ZNRF3: variants seen among roughly 807,000 people sequenced by gnomAD.
ZNRF3 encodes the protein zinc and ring finger 3, also known as E3 ubiquitin-protein ligase ZNRF3.
A neutral mutation model predicts 72.5 loss-of-function variants in ZNRF3; 23 were observed. The ratio of observed to expected loss-of-function variants is 0.32; its 90% confidence interval spans 0.23 to 0.45. ZNRF3 has a LOEUF of 0.45. Among genes scored for constraint, ZNRF3 ranks in the 20% least tolerant of loss-of-function variants. ZNRF3 has a pLI of 1.00. For synonymous variants in ZNRF3, 610 were observed against 545.3 expected (o/e 1.12, Z -1.65); for missense variants, 1,169 against 1,272.1 (o/e 0.92, Z 1.23).
chr22:29,003,213 C>T (rs990493653), intron 2 of ZNRF3, among the ~76,000 whole-genome samples: 2 of 152,096 alleles, frequency 1.3e-5, no homozygotes, highest in African/African-American at 2.4e-5. Context: ...CACTAAAGGT[C>T]AAAATAGAAT....
intron 1 of ZNRF3, among the ~76,000 whole-genome samples, chr22:28,943,303 G>T (rs1289535676): frequency 1.3e-5 from 2 of 152,114 alleles, no homozygotes; most frequent in Non-Finnish European, 2.9e-5. Flanking sequence ...CTTTGATGGG[G>T]ACATGCTTGC....
intron 1 of ZNRF3, among the ~76,000 whole-genome samples, chr22:28,888,797 T>C (rs991818822): frequency 3.3e-5 from 5 of 152,204 alleles, no homozygotes; most frequent in African/African-American, 1.2e-4. Context: ...TAACTTCACA[T>C]GGCTAGCAGA....
intron 3 of ZNRF3, 40 bp downstream of exon 3, chr22:29,042,609 A>G: frequency 6.3e-7 from 1 of 1,579,928 alleles, no homozygotes; most frequent in Non-Finnish European, 8.7e-7. Context: ...AGCCTCCCTG[A>G]GAAAGGCACT....
intron 2 of ZNRF3, among the ~76,000 whole-genome samples, chr22:29,000,948 C>G (rs1208517165): frequency 5.3e-5 from 8 of 151,996 alleles, no homozygotes; most frequent in Admixed American, 5.3e-4. Flanking sequence ...CCACCACACC[C>G]AGCTCATTTT....
At chr22:29,002,612 A>T (rs2036168657) in intron 2 of ZNRF3, among the ~76,000 whole-genome samples, 1 of 152,250 alleles carries the variant, frequency 6.6e-6, no homozygotes, top group African/African-American at 2.4e-5. Context: ...GCTGATGCGC[A>T]CCAGACTGTA....
chr22:29,036,760 T>C (rs1351834053), intron 2 of ZNRF3, among the ~76,000 whole-genome samples: 1 of 152,198 alleles, frequency 6.6e-6, no homozygotes, highest in African/African-American at 2.4e-5. Context: ...GTATTAATTA[T>C]AATTTTAAAA....
chr22:28,890,123 T>A (rs2033858101), intron 1 of ZNRF3, among the ~76,000 whole-genome samples: 1 of 152,252 alleles, frequency 6.6e-6, no homozygotes, highest in African/African-American at 2.4e-5. Flanking sequence ...TTTTGATTGT[T>A]ATTTCCAGAA....
intron 8 of ZNRF3, among the ~76,000 whole-genome samples, chr22:29,052,124 A>G (rs551981744): frequency 6.6e-6 from 1 of 152,338 alleles, no homozygotes; most frequent in African/African-American, 2.4e-5. Context: ...ATGCTGTCTC[A>G]GTAATAAACT....
At chr22:29,012,392 A>G (rs888574787) in intron 2 of ZNRF3, among the ~76,000 whole-genome samples, 1 of 152,224 alleles carries the variant, frequency 6.6e-6, no homozygotes, top group African/African-American at 2.4e-5. Flanking sequence ...TACGTGGAGA[A>G]CCTGCCCACG....
chr22:28,998,506 G>A (rs546524645), intron 2 of ZNRF3, among the ~76,000 whole-genome samples: 5 of 152,172 alleles, frequency 3.3e-5, no homozygotes, highest in African/African-American at 7.2e-5. Flanking sequence ...GATTAAAACC[G>A]GATGCAAGCA....
At chr22:28,925,626 C>T (rs2034586808) in intron 1 of ZNRF3, among the ~76,000 whole-genome samples, 3 of 152,020 alleles carry the variant, frequency 2.0e-5, no homozygotes, top group Non-Finnish European at 4.4e-5. Context: ...ACCCATATAC[C>T]CACTATCTAT....
At chr22:28,938,482 C>T (rs1714037740) in intron 1 of ZNRF3, among the ~76,000 whole-genome samples, 1 of 152,124 alleles carries the variant, frequency 6.6e-6, no homozygotes, top group African/African-American at 2.4e-5. Flanking sequence ...ATTATCTAAC[C>T]TAGTTATCAA....
intron 2 of ZNRF3, 133 bp downstream of exon 2, chr22:28,987,334 T>C (rs2035872626): frequency 7.3e-7 from 1 of 1,376,194 alleles, no homozygotes; most frequent in Admixed American, 2.6e-5. Context: ...TGAAGTTGCA[T>C]GAGGTGGGGA....
Position 28,928,787 on chromosome 22 carries a change from C to T in ZNRF3, c.300+44721C>T, listed in dbSNP as rs546955308. 2.0e-3 allele frequency among the ~76,000 whole-genome samples: 311 copies of T among 152,214 alleles called. 2 individuals carry two copies. Among genetic ancestry groups the T allele is most frequent in the African/African-American group, 6.9e-3 (288 of 41,526 alleles). On this transcript the variant is annotated intron_variant, in intron 1 of 8. Coordinates refer to ENST00000544604, the MANE Select transcript of ZNRF3 (RefSeq NM_001206998.2). ...CTGGGATTACAGGCGTGAGCCACCGCGCCCGGCCCAGAAATGTCTTTTATA... is the reference window on the plus strand; with the variant it reads ...CTGGGATTACAGGCGTGAGCCACCGTGCCCGGCCCAGAAATGTCTTTTATA...
chr22:28,963,488 C>T (rs2035403473), intron 1 of ZNRF3, among the ~76,000 whole-genome samples: 1 of 152,164 alleles, frequency 6.6e-6, no homozygotes, highest in South Asian at 2.1e-4. Flanking sequence ...AAAAAAACCA[C>T]AGGCTCAAGC....
At chr22:28,958,351 G>T (rs2035296754) in intron 1 of ZNRF3, among the ~76,000 whole-genome samples, 1 of 152,338 alleles carries the variant, frequency 6.6e-6, no homozygotes, top group East Asian at 1.9e-4. Context: ...GTGATCAGTA[G>T]ATTTGGAGAT....
intron 2 of ZNRF3, among the ~76,000 whole-genome samples, chr22:29,012,131 G>A (rs1331509441): frequency 5.9e-5 from 9 of 152,204 alleles, no homozygotes; most frequent in Admixed American, 4.6e-4. Context: ...ACTCAAATCC[G>A]TGCTTAGAGT....
At chr22:28,992,998 G>C (rs1249217204) in intron 2 of ZNRF3, 1 of 152,260 alleles carries the variant, frequency 6.6e-6, no homozygotes, top group Non-Finnish European at 1.5e-5. Flanking sequence ...AGAAAAGGGA[G>C]CAAGATGTTC....
At chr22:28,979,513 T>C (rs539267100) in intron 1 of ZNRF3, among the ~76,000 whole-genome samples, 2 of 152,362 alleles carry the variant, frequency 1.3e-5, no homozygotes, top group East Asian at 3.9e-4. Flanking sequence ...CCTTTGCTCC[T>C]ATACCATTGC....
Sources: gnomAD v4.1 joint callset for allele counts (sites outside exome capture counted in the v4.1 genomes callset) on GRCh38, gnomAD v4.1.1 for gene constraint, MANE v1.5 for transcripts, NCBI Gene and HGNC (gene_info 2026-07-23, HGNC 2026-07-21) for gene names.